Variants in SV2C observed in about 807,000 individuals in gnomAD.
SV2C encodes synaptic vesicle glycoprotein 2C, also known as solute carrier family 22 member B3.
Under a neutral mutation model 79.7 loss-of-function variants are expected in SV2C, and 49 were observed. The observed-to-expected ratio is 0.61, with a 90% CI of 0.49 to 0.78. The LOEUF (loss-of-function observed/expected upper bound fraction) is 0.78. Among genes scored for constraint, SV2C ranks in the 30% least tolerant of loss-of-function variants. SV2C has a pLI of 0.00. For missense variants in SV2C, 833 were observed against 912.9 expected, an observed-to-expected ratio of 0.91 and a Z score of 1.13; for synonymous variants, 334 against 333.2, an observed-to-expected ratio of 1.00 and a Z score of -0.03.
intron 4 of SV2C, among the ~76,000 whole-genome samples, chr5:76,270,795 G>T (rs940458038): frequency 2.6e-5 from 4 of 151,106 alleles, no homozygotes; most frequent in African/African-American, 4.9e-5. Flanking sequence ...TTGAGACAGG[G>T]TCTCACTCTG....
chr5:76,295,647 G>A, intron 8 of SV2C, 131 bp from the exon 9 acceptor site: 1 of 794,352 alleles, frequency 1.3e-6, no homozygotes, highest in Middle Eastern at 2.4e-4. Flanking sequence ...GCTGTATGAT[G>A]AATTACTCAT....
At chr5:76,308,749 C>G (rs910500142) in intron 12 of SV2C, among the ~76,000 whole-genome samples, 1 of 152,168 alleles carries the variant, frequency 6.6e-6, no homozygotes, top group African/African-American at 2.4e-5. Context: ...TGCCTTTTTC[C>G]TCTTTCAGTC....
intron 12 of SV2C, among the ~76,000 whole-genome samples, chr5:76,308,106 C>CA (rs1748269705): frequency 6.6e-6 from 1 of 152,168 alleles, no homozygotes; most frequent in African/African-American, 2.4e-5. Context: ...TGGAAGCAGT[C>CA]ATTTACATAT....
chr5:76,217,248 A>G (rs540110893), intron 4 of SV2C, among the ~76,000 whole-genome samples: 183 of 152,294 alleles, frequency 1.2e-3, no homozygotes, highest in Non-Finnish European at 1.7e-3. Context: ...TTAAAAATAC[A>G]TATATTCCCA....
the SV2C span, among the ~76,000 whole-genome samples, chr5:75,978,299 C>A: frequency 6.6e-6 from 1 of 152,146 alleles, no homozygotes; most frequent in Non-Finnish European, 1.5e-5. Flanking sequence ...AGCTCTTCTT[C>A]GCTGGATATT....
the SV2C span, among the ~76,000 whole-genome samples, chr5:75,893,245 C>A: frequency 6.6e-6 from 1 of 151,776 alleles, no homozygotes; most frequent in African/African-American, 2.4e-5. Context: ...TCTATTCATG[C>A]CCTTTGTCCA....
chr5:76,030,289 T>TTTTTTTTTTTTTTTTTTTTTTTTTTTTTA, the SV2C span, among the ~76,000 whole-genome samples: 3 of 117,874 alleles, frequency 2.5e-5, no homozygotes, highest in African/African-American at 7.8e-5. Flanking sequence ...TTTTTTTTTT[T>TTTTTTTTTTTTTTTTTTTTTTTTTTTTTA]TTTATTTATT....
At chr5:75,884,537 T>A in the SV2C span, among the ~76,000 whole-genome samples, 2 of 152,132 alleles carry the variant, frequency 1.3e-5, no homozygotes, top group Admixed American at 1.3e-4. Context: ...TTGATGGACT[T>A]GGTCATTTTT....
chr5:76,190,817 A>ATT (rs1452641349), intron 2 of SV2C, among the ~76,000 whole-genome samples: 4 of 152,230 alleles, frequency 2.6e-5, no homozygotes, highest in Non-Finnish European at 5.9e-5. Context: ...AGCTTTATTT[A>ATT]ATGTCAGTCC....
At chr5:76,017,839 G>C in the SV2C span, among the ~76,000 whole-genome samples, 2 of 152,162 alleles carry the variant, frequency 1.3e-5, no homozygotes, top group South Asian at 4.1e-4. Flanking sequence ...TGCAAGATTT[G>C]GGAAGTGGCG....
chr5:76,043,936 T>A, the SV2C span, among the ~76,000 whole-genome samples: 2 of 152,188 alleles, frequency 1.3e-5, no homozygotes, highest in African/African-American at 4.8e-5. Flanking sequence ...CTGGGATACA[T>A]GTGCAGCATG....
chr5:76,056,987 A>C, the SV2C span, among the ~76,000 whole-genome samples: 1 of 151,670 alleles, frequency 6.6e-6, no homozygotes, highest in East Asian at 1.9e-4. Context: ...CTGTGTCTCT[A>C]TCTCCTTCAG....
intron 2 of SV2C, among the ~76,000 whole-genome samples, chr5:76,172,324 C>T (rs1470736627): frequency 4.1e-5 from 4 of 97,056 alleles, no homozygotes; most frequent in Admixed American, 2.3e-4. Flanking sequence ...CAGCCAGCCG[C>T]CCTGTCCGGG....
the SV2C span, among the ~76,000 whole-genome samples, chr5:75,945,193 C>A: frequency 2.0e-5 from 3 of 152,088 alleles, no homozygotes; most frequent in Admixed American, 6.5e-5. Context: ...ATAAAAGAAA[C>A]AAATGGAAAT....
At chr5:76,229,961 G>A (rs6885213) in intron 4 of SV2C, among the ~76,000 whole-genome samples, 47,816 of 152,024 alleles carry the variant, frequency 0.31, 8,037 homozygotes, top group Non-Finnish European at 0.37. Flanking sequence ...GTATATGCCC[G>A]GAGAAATTCA....
At chr5:76,280,637 C>T (rs981691080) in intron 4 of SV2C, among the ~76,000 whole-genome samples, 1 of 152,166 alleles carries the variant, frequency 6.6e-6, no homozygotes, top group African/African-American at 2.4e-5. Flanking sequence ...AAGGAGGGAG[C>T]CTGCCCCGGC....
the SV2C span, among the ~76,000 whole-genome samples, chr5:76,040,972 A>G: frequency 6.6e-6 from 1 of 152,160 alleles, no homozygotes; most frequent in Non-Finnish European, 1.5e-5. Context: ...AAAAATTACC[A>G]CTGTCAAGTC....
intron 1 of SV2C, among the ~76,000 whole-genome samples, chr5:76,092,600 T>C (rs1328058894): frequency 1.3e-5 from 2 of 152,168 alleles, no homozygotes; most frequent in Non-Finnish European, 2.9e-5. Context: ...CAATAAATCT[T>C]ATTTGTCCAA....
chr5:76,312,050 C>A (rs1306968273), intron 12 of SV2C, among the ~76,000 whole-genome samples: 3 of 152,192 alleles, frequency 2.0e-5, no homozygotes, highest in East Asian at 3.8e-4. Context: ...CCCTACTTTT[C>A]TCTCCCTGCT....
Sources: gnomAD v4.1 joint callset for allele counts (sites outside exome capture counted in the v4.1 genomes callset) on GRCh38, gnomAD v4.1.1 for gene constraint, MANE v1.5 for transcripts, NCBI Gene and HGNC (gene_info 2026-07-23, HGNC 2026-07-21) for gene names.